NELL1: variants seen among roughly 807,000 people sequenced by gnomAD.
The protein encoded by NELL1 is protein kinase C-binding protein NELL1.
A neutral mutation model predicts 107.4 loss-of-function variants in NELL1; 76 were observed. The ratio of observed to expected loss-of-function variants is 0.71; its 90% CI spans 0.59 to 0.86. NELL1 has a LOEUF of 0.86. NELL1 is among the 40% of genes least tolerant of loss of function. The pLI is 0.00. For synonymous variants in NELL1, 353 were observed against 341.2 expected, an observed-to-expected ratio of 1.03 and a Z score of -0.38; for missense variants, 1,024 against 1,005.5, an observed-to-expected ratio of 1.02 and a Z score of -0.25.
intron 14 of NELL1, among the ~76,000 whole-genome samples, chr11:21,255,907 T>A (rs1411365801): frequency 6.6e-6 from 1 of 152,032 alleles, no homozygotes; most frequent in Non-Finnish European, 1.5e-5. Flanking sequence ...GGGTTTCAAC[T>A]TTTTAAGAAA....
intron 15 of NELL1, among the ~76,000 whole-genome samples, chr11:21,376,340 T>C (rs1851478751): frequency 6.6e-6 from 1 of 152,208 alleles, no homozygotes; most frequent in East Asian, 1.9e-4. Flanking sequence ...TCAACTTTAT[T>C]GAAGATCAGA....
At chr11:21,307,020 C>T (rs1051889222) in intron 14 of NELL1, among the ~76,000 whole-genome samples, 3 of 151,912 alleles carry the variant, frequency 2.0e-5, no homozygotes, top group South Asian at 2.1e-4. Context: ...GAGTCAATAG[C>T]GTGCCTTTTT....
intron 12 of NELL1, among the ~76,000 whole-genome samples, chr11:21,077,665 C>T (rs1267635177): frequency 6.6e-6 from 1 of 151,702 alleles, no homozygotes; most frequent in South Asian, 2.1e-4. Context: ...ATCACTTGAA[C>T]CTGGGAGACG....
intron 3 of NELL1, among the ~76,000 whole-genome samples, chr11:20,825,639 A>G (rs2134029940): frequency 6.6e-6 from 1 of 151,412 alleles, no homozygotes; most frequent in East Asian, 1.9e-4. Context: ...TTAAGCCAAT[A>G]CCTGTACCTC....
At chr11:21,216,414 C>G (rs1857614380) in intron 13 of NELL1, among the ~76,000 whole-genome samples, 2 of 152,130 alleles carry the variant, frequency 1.3e-5, no homozygotes, top group African/African-American at 4.8e-5. Flanking sequence ...CCTTCAGATC[C>G]CAGAATGGTA....
intron 12 of NELL1, among the ~76,000 whole-genome samples, chr11:21,057,943 A>G (rs1025551624): frequency 3.3e-5 from 5 of 152,142 alleles, no homozygotes; most frequent in African/African-American, 1.2e-4. Flanking sequence ...TCCTATAGGC[A>G]GAGTTTGTTG....
intron 14 of NELL1, among the ~76,000 whole-genome samples, chr11:21,336,093 A>C (rs1850388126): frequency 6.6e-6 from 1 of 152,106 alleles, no homozygotes; most frequent in African/African-American, 2.4e-5. Flanking sequence ...TATTATAAAA[A>C]CTGTTATTGA....
At chr11:21,116,883 G>T (rs1428293518) in intron 13 of NELL1, among the ~76,000 whole-genome samples, 1 of 152,060 alleles carries the variant, frequency 6.6e-6, no homozygotes, top group South Asian at 2.1e-4. Flanking sequence ...TTTAAAAAGA[G>T]AAATCATACA....
chr11:20,676,650 T>C (rs966223363), intron 1 of NELL1, among the ~76,000 whole-genome samples: 2 of 152,180 alleles, frequency 1.3e-5, no homozygotes, highest in Non-Finnish European at 2.9e-5. Context: ...TCCTGTTTCC[T>C]AACAGGAAAA....
intron 2 of NELL1, among the ~76,000 whole-genome samples, chr11:20,684,289 TAAA>T (rs1475597489): frequency 6.6e-6 from 1 of 152,072 alleles, no homozygotes; most frequent in African/African-American, 2.4e-5. Context: ...AAAATTAAAT[TAAA>T]AAAATTTAAA....
intron 2 of NELL1, among the ~76,000 whole-genome samples, chr11:20,757,522 A>G (rs1223182045): frequency 6.6e-6 from 1 of 152,196 alleles, no homozygotes; most frequent in Non-Finnish European, 1.5e-5. Flanking sequence ...CCCTATATAC[A>G]TACCAGAGCA....
chr11:21,447,130 A>T (rs1853452089), intron 15 of NELL1, among the ~76,000 whole-genome samples: 2 of 149,574 alleles, frequency 1.3e-5, no homozygotes, highest in South Asian at 4.1e-4. Context: ...CAGTCAGCTT[A>T]TGGTGAATAC....
At chr11:21,506,894 C>G (rs1485647797) in intron 15 of NELL1, among the ~76,000 whole-genome samples, 4 of 152,170 alleles carry the variant, frequency 2.6e-5, no homozygotes, top group Admixed American at 2.6e-4. Context: ...CATTTCTGGT[C>G]TGTCATTGTA....
At chr11:21,262,236 T>G (rs985106977) in intron 14 of NELL1, among the ~76,000 whole-genome samples, 4 of 151,872 alleles carry the variant, frequency 2.6e-5, no homozygotes, top group Admixed American at 2.6e-4. Context: ...ACAGTTTGGT[T>G]GATTTCCAGG....
rs117787124 is a variant in NELL1, at chr11:20,994,337, A to T, written c.1300+33777A>T. The stretch of plus-strand genomic sequence containing the variant: ...GAGCAGTCAAAGCTGCGGTAAAAGA[A>T]ATTTGATGAATCTTATGTTAGACAT... On this transcript the variant is annotated intron_variant, in intron 12 of 19. Coordinates refer to ENST00000357134, the MANE Select transcript of NELL1 (RefSeq NM_006157.5). Among the ~76,000 whole-genome samples the T allele has an allele frequency of 2.3e-3, 347 of 152,336 alleles. 4 individuals carry two copies. Among genetic ancestry groups the T allele is most frequent in the Non-Finnish European group, 2.3e-3 (158 of 68,038 alleles).
At chr11:21,298,694 A>G (rs549714723) in intron 14 of NELL1, among the ~76,000 whole-genome samples, 22 of 152,108 alleles carry the variant, frequency 1.4e-4, no homozygotes, top group African/African-American at 5.1e-4. Flanking sequence ...ACTTTTCTGC[A>G]GTAGTAGCAG....
chr11:20,782,977 G>T (rs1856880529), intron 2 of NELL1, among the ~76,000 whole-genome samples: 1 of 152,214 alleles, frequency 6.6e-6, no homozygotes, highest in Non-Finnish European at 1.5e-5. Flanking sequence ...TAGGCCTGCT[G>T]AATCGGCCTC....
chr11:21,159,862 G>A (rs976080372), intron 13 of NELL1, among the ~76,000 whole-genome samples: 1 of 152,138 alleles, frequency 6.6e-6, no homozygotes, highest in African/African-American at 2.4e-5. Flanking sequence ...TCTTAGCTGA[G>A]CCACCTACTA....
chr11:20,960,381 G>A, intron 11 of NELL1, 51 bp from the exon 12 acceptor site: 1 of 1,582,816 alleles, frequency 6.3e-7, no homozygotes. Flanking sequence ...ATTTTGGGGA[G>A]TTACTTTATT....
Sources: gnomAD v4.1 joint callset for allele counts (sites outside exome capture counted in the v4.1 genomes callset) on GRCh38, gnomAD v4.1.1 for gene constraint, MANE v1.5 for transcripts, NCBI Gene and HGNC (gene_info 2026-07-23, HGNC 2026-07-21) for gene names.